The following LINGO3 variants were observed in gnomAD, a reference collection of about 807,000 sequenced individuals.
The protein encoded by LINGO3 is leucine rich repeat and Ig domain containing 3.
For missense variants in LINGO3, 750 were observed against 867.7 expected (o/e 0.86, Z 1.70); for synonymous variants, 427 against 444.2 (o/e 0.96, Z 0.49).
the LINGO3 span, among the ~76,000 whole-genome samples, chr19:2,305,524 C>T: frequency 2.6e-5 from 4 of 152,112 alleles, no homozygotes; most frequent in African/African-American, 4.8e-5. Context: ...CCTTCCAATC[C>T]GCCTCCTCTA....
the LINGO3 span, among the ~76,000 whole-genome samples, chr19:2,306,162 G>A: frequency 3.9e-4 from 59 of 152,312 alleles, no homozygotes; most frequent in African/African-American, 1.4e-3. Flanking sequence ...CTGACTAGGG[G>A]GAATAATAAA....
At chr19:2,292,498 TTGTC>T (rs1257971215), upstream of LINGO3, among the ~76,000 whole-genome samples, 4 of 151,844 alleles carry the variant, frequency 2.6e-5, no homozygotes, top group Admixed American at 1.3e-4. Context: ...TTGTGTTTGT[TTGTC>T]TGTTTGAGAT....
At chr19:2,294,217 G>C (rs2025553639), upstream of LINGO3, among the ~76,000 whole-genome samples, 1 of 152,140 alleles carries the variant, frequency 6.6e-6, no homozygotes, top group African/African-American at 2.4e-5. This position sits in a 1 kb window ranked among gnomAD's most constrained non-coding sequence, Gnocchi z 4.3. Flanking sequence ...AGGGAGACTT[G>C]GACACACACC....
chr19:2,287,586 G>C (rs2025479362), downstream of LINGO3, among the ~76,000 whole-genome samples: 1 of 152,198 alleles, frequency 6.6e-6, no homozygotes, highest in Admixed American at 6.5e-5. This position sits in a 1 kb window ranked among gnomAD's most constrained non-coding sequence, Gnocchi z 4.5. Flanking sequence ...TCTCCTTCCA[G>C]CTCCTTCTGA....
At chr19:2,292,092 G>T, upstream of LINGO3, 2 of 357,596 alleles carry the variant, frequency 5.6e-6, no homozygotes, top group Admixed American at 4.0e-5. Context: ...GGAGGCTGAG[G>T]CAGGAGGATG....
At chr19:2,297,044 A>G in the LINGO3 span, among the ~76,000 whole-genome samples, 2 of 151,274 alleles carry the variant, frequency 1.3e-5, no homozygotes, top group South Asian at 4.2e-4. Flanking sequence ...GTGAGCTGAG[A>G]TCACGCCACT....
Position 2,290,839 on chromosome 19 carries a change from G to C in LINGO3, c.938C>G (p.Ala313Gly), listed in dbSNP as rs1266225151. The C allele has an allele frequency of 6.2e-7, 1 of 1,611,898 alleles. No individual in the cohort carries two copies. The highest frequency in any genetic ancestry group is 1.1e-5 in the South Asian group (1 of 91,062). The change falls in exon 1 of 1, where the codon GCC becomes GGC. Residue 313 changes from alanine (A) to glycine (G), a missense_variant. Transcript: ENST00000585527. This position sits in a 1 kb window ranked among gnomAD's most constrained non-coding sequence, Gnocchi z 6.0. ...GCGGATCTGGCGCAGGCCCAGGAAGGCCTGCGGCTCCACCACAGCCAGCAG... is the reference window on the plus strand; with the variant it reads ...GCGGATCTGGCGCAGGCCCAGGAAGCCCTGCGGCTCCACCACAGCCAGCAG...
chr19:2,300,797 AT>A, the LINGO3 span, among the ~76,000 whole-genome samples: 1 of 152,032 alleles, frequency 6.6e-6, no homozygotes, highest in Non-Finnish European at 1.5e-5. Context: ...CTGTTCTGGC[AT>A]TGGTGTCCCC....
At chr19:2,303,452 G>T in the LINGO3 span, among the ~76,000 whole-genome samples, 1 of 152,132 alleles carries the variant, frequency 6.6e-6, no homozygotes, top group Non-Finnish European at 1.5e-5. Flanking sequence ...GGGGTCAGCA[G>T]GGTACAGCTA....
the LINGO3 span, among the ~76,000 whole-genome samples, chr19:2,304,093 T>C: frequency 1.3e-5 from 2 of 152,196 alleles, no homozygotes; most frequent in Non-Finnish European, 2.9e-5. Context: ...TAGGCCCTGG[T>C]TTGCTCCTGG....
downstream of LINGO3, among the ~76,000 whole-genome samples, chr19:2,288,764 G>A (rs1348493086): frequency 6.6e-6 from 1 of 152,180 alleles, no homozygotes; most frequent in Non-Finnish European, 1.5e-5. This position sits in a 1 kb window ranked among gnomAD's most constrained non-coding sequence, Gnocchi z 6.5. Context: ...CCCCGAGGTC[G>A]GCTGGGAGAT....
the LINGO3 span, among the ~76,000 whole-genome samples, chr19:2,307,565 C>A: frequency 6.6e-6 from 1 of 152,208 alleles, no homozygotes; most frequent in Non-Finnish European, 1.5e-5. Flanking sequence ...CCAGGTCCCT[C>A]CCCGCCAGGC....
the LINGO3 span, among the ~76,000 whole-genome samples, chr19:2,304,436 A>G: frequency 6.6e-6 from 1 of 152,198 alleles, no homozygotes; most frequent in Admixed American, 6.5e-5. Context: ...CCACCCTTAC[A>G]TGGAAAAAGG....
At chr19:2,305,599 C>G in the LINGO3 span, among the ~76,000 whole-genome samples, 1 of 152,152 alleles carries the variant, frequency 6.6e-6, no homozygotes, top group South Asian at 2.1e-4. Context: ...CTCCAGTCCC[C>G]GCCCAGGGCA....
chr19:2,297,539 G>A, the LINGO3 span, among the ~76,000 whole-genome samples: 10 of 149,382 alleles, frequency 6.7e-5, no homozygotes, highest in East Asian at 1.2e-3. Context: ...TCCTGACCTC[G>A]TGATCCACCT....
upstream of LINGO3, among the ~76,000 whole-genome samples, chr19:2,292,204 T>A (rs1464824226): frequency 2.1e-4 from 23 of 110,864 alleles, no homozygotes; most frequent in African/African-American, 3.9e-4. Context: ...AAAAAAAAAA[T>A]TAAAAATTAG....
At chr19:2,304,937 G>A in the LINGO3 span, among the ~76,000 whole-genome samples, 400 of 152,032 alleles carry the variant, frequency 2.6e-3, 4 homozygotes, top group Middle Eastern at 0.01. Flanking sequence ...TCGAACTCCT[G>A]ATCTCCAGTG....
Position 2,291,192 on chromosome 19 carries a change from G to A in LINGO3, c.585C>T (p.Gly195=). 3 of 1,608,940 alleles carry A rather than the reference G, an allele frequency of 1.9e-6. No homozygotes were observed. The South Asian group carries it at 3.3e-5, about 18-fold the overall frequency. Residue 195 remains glycine, a synonymous_variant, in exon 1 of 1, where the codon GGC becomes GGT. Coordinates refer to ENST00000585527, the Ensembl canonical transcript of LINGO3. Reference sequence around the variant, plus strand: ...GCAGGGCGCCCAGGCTGCGCAGATGGCCCAGCGACTCCCCGGACAGAGCCG... The same window carrying A: ...GCAGGGCGCCCAGGCTGCGCAGATGACCCAGCGACTCCCCGGACAGAGCCG...
the LINGO3 span, among the ~76,000 whole-genome samples, chr19:2,300,095 G>A: frequency 1.4e-3 from 213 of 147,782 alleles, 1 homozygote; most frequent in African/African-American, 5.1e-3. Context: ...GCAATGGCGC[G>A]ATCTCTGCTC....
Sources: allele counts gnomAD v4.1 joint callset (sites outside exome capture counted in the v4.1 genomes callset), GRCh38; gene constraint gnomAD v4.1.1; non-coding constraint Gnocchi (gnomAD v3.1); transcripts MANE v1.5; gene names NCBI Gene and HGNC (gene_info 2026-07-23, HGNC 2026-07-21).